Variants in SLAMF6 observed in about 807,000 individuals in gnomAD.
SLAMF6 encodes NK-T-B-antigen.
A neutral mutation model predicts 38.3 loss-of-function variants in SLAMF6; 21 were observed. The ratio of observed to expected loss-of-function variants is 0.55; its 90% CI spans 0.39 to 0.79. The LOEUF is 0.79. Among genes scored for constraint, SLAMF6 ranks in the 30% least tolerant of loss-of-function variants. The probability of loss-of-function intolerance (pLI) is 0.00; values close to 1 mark genes in which losing one functional copy is unlikely to be tolerated. For missense variants in SLAMF6, 341 were observed against 385.3 expected, an observed-to-expected ratio of 0.89 and a Z score of 0.96; for synonymous variants, 152 against 146.3, an observed-to-expected ratio of 1.04 and a Z score of -0.28.
chr1:160,497,264 G>A (rs189231806), intron 1 of SLAMF6, among the ~76,000 whole-genome samples: 85 of 152,286 alleles, frequency 5.6e-4, no homozygotes, highest in Non-Finnish European at 1.0e-3. Context: ...CGGTGAAATG[G>A]TCACAATGAT....
rs1174026133 is a variant in SLAMF6 at position 160,486,412 on chromosome 1, C to G, written c.*295G>C. The G allele has an allele frequency of 5.9e-6, 2 of 338,166 alleles. No individual in the cohort carries two copies. Among genetic ancestry groups the G allele is most frequent in the Non-Finnish European group, 1.1e-5 (2 of 180,360 alleles). 20.9% of individuals were successfully genotyped at this position (338,166 alleles called of 1,614,324 possible). The stretch of plus-strand genomic sequence containing the variant: ...ATAAACTCTCTGTCAACCATAATTC[C>G]ATTTGCTTAGTTATCAAAGAGAGAG... On this transcript the variant is annotated 3_prime_UTR_variant, in exon 8 of 8. Coordinates refer to ENST00000368057, the MANE Select transcript of SLAMF6 (RefSeq NM_001184714.2).
chr1:160,500,896 G>A (rs12046037), intron 1 of SLAMF6, among the ~76,000 whole-genome samples: 3,316 of 152,088 alleles, frequency 0.022, 85 homozygotes, highest in East Asian at 0.11. Flanking sequence ...TCCCTTGCCT[G>A]GAACGCTTGT....
chr1:160,518,689 C>T (rs187576052), intron 1 of SLAMF6, among the ~76,000 whole-genome samples: 3 of 151,734 alleles, frequency 2.0e-5, no homozygotes, highest in Non-Finnish European at 4.4e-5. Context: ...CCAAACACCG[C>T]ATGTTCTTTA....
chr1:160,522,951 A>C (rs2102077984), intron 1 of SLAMF6, among the ~76,000 whole-genome samples, 193 bp downstream of exon 1: 1 of 152,346 alleles, frequency 6.6e-6, no homozygotes. Context: ...GTTCACCGAC[A>C]ACCATCTCAG....
At chr1:160,492,333 C>T (rs1301675748) in intron 2 of SLAMF6, among the ~76,000 whole-genome samples, 1 of 152,054 alleles carries the variant, frequency 6.6e-6, no homozygotes, top group African/African-American at 2.4e-5. Context: ...TGAAATATTG[C>T]CAGAACAGAG....
chr1:160,492,270 A>G (rs903154978), intron 2 of SLAMF6, among the ~76,000 whole-genome samples: 5 of 152,206 alleles, frequency 3.3e-5, no homozygotes, highest in Non-Finnish European at 5.9e-5. Context: ...TGATTAGAAG[A>G]GACCGAGTAG....
At chr1:160,504,817 T>C (rs1654096642) in intron 1 of SLAMF6, among the ~76,000 whole-genome samples, 1 of 152,208 alleles carries the variant, frequency 6.6e-6, no homozygotes, top group South Asian at 2.1e-4. Flanking sequence ...TAAGAAAATG[T>C]CTGCTTATAC....
chr1:160,507,576 A>T (rs899547557), intron 1 of SLAMF6, among the ~76,000 whole-genome samples: 8 of 152,210 alleles, frequency 5.3e-5, no homozygotes, highest in Admixed American at 1.3e-4. Flanking sequence ...ATCCAAACAC[A>T]ACAAAATATA....
In SLAMF6 at chr1:160,491,365, T is replaced by C. The variant is rs1159512437; in HGVS notation, c.406A>G (p.Thr136Ala). 1.2e-6 allele frequency: 2 copies of C among 1,613,818 alleles called. No homozygotes were observed. Among genetic ancestry groups the C allele is most frequent in the Non-Finnish European group, 1.7e-6 (2 of 1,179,884 alleles). The change falls in exon 3 of 8, where the codon ACC (threonine) becomes GCC (alanine). Residue 136 changes from threonine to alanine, a missense_variant. By Grantham distance (58) the Thr-to-Ala change is moderately conservative. Coordinates refer to ENST00000368057, the MANE Select transcript of SLAMF6 (RefSeq NM_001184714.2). ...TTCTGAAATAGCTGACTGTGATTGGTAACTTGTATGTTCCTCAGTTGTCCT... is the reference window on the plus strand; with the variant it reads ...TTCTGAAATAGCTGACTGTGATTGGCAACTTGTATGTTCCTCAGTTGTCCT... ...ILRQLRNIQV[T>A]NHSQLFQNMT...
chr1:160,509,458 A>G (rs527276585), intron 1 of SLAMF6, among the ~76,000 whole-genome samples: 23 of 152,248 alleles, frequency 1.5e-4, no homozygotes, highest in African/African-American at 5.5e-4. Flanking sequence ...GAACAATGAG[A>G]ACACTTGGAC....
Position 160,489,187 on chromosome 1 carries a change from G to C in SLAMF6, c.797-17C>G, listed in dbSNP as rs755004553. The stretch of plus-strand genomic sequence containing the variant: ...CGGACTCTGCTGTTAACATAGGAAG[G>C]CACAGTCAATGGCACAAGGACTCTG... On this transcript the variant is annotated splice_polypyrimidine_tract_variant and intron_variant, in intron 5 of 7. Coordinates refer to ENST00000368057, the MANE Select transcript of SLAMF6 (RefSeq NM_001184714.2). 2 of 1,613,578 alleles carry C rather than the reference G, an allele frequency of 1.2e-6. No individual in the cohort carries two copies. Among genetic ancestry groups the C allele is most frequent in the African/African-American group, 1.3e-5 (1 of 75,008 alleles).
At chr1:160,506,857 G>T (rs1423676914) in intron 1 of SLAMF6, among the ~76,000 whole-genome samples, 1 of 152,106 alleles carries the variant, frequency 6.6e-6, no homozygotes, top group Non-Finnish European at 1.5e-5. Flanking sequence ...AGTTGAAGAG[G>T]TTAAATGTAA....
intron 1 of SLAMF6, among the ~76,000 whole-genome samples, chr1:160,508,680 G>T (rs1220661181): frequency 1.3e-5 from 2 of 152,250 alleles, no homozygotes; most frequent in African/African-American, 4.8e-5. Context: ...AAACTAAAGA[G>T]CTTCTGCACA....
chr1:160,494,589 T>A (rs1393312879), intron 2 of SLAMF6, among the ~76,000 whole-genome samples: 3 of 152,172 alleles, frequency 2.0e-5, no homozygotes, highest in African/African-American at 7.2e-5. Flanking sequence ...TTATCCAGTA[T>A]AACCTGGATA....
chr1:160,513,425 G>C (rs1377916200), intron 1 of SLAMF6, among the ~76,000 whole-genome samples: 1 of 152,176 alleles, frequency 6.6e-6, no homozygotes, highest in Non-Finnish European at 1.5e-5. Context: ...ATGAAACAAA[G>C]TTGGAAAACA....
At chr1:160,487,915 C>A (rs1653054645) in intron 6 of SLAMF6, among the ~76,000 whole-genome samples, 1 of 151,928 alleles carries the variant, frequency 6.6e-6, no homozygotes, top group African/African-American at 2.4e-5. Flanking sequence ...CATGGTGAAA[C>A]CCCGTCTCTA....
At chr1:160,497,211 A>C (rs1218449356) in intron 1 of SLAMF6, among the ~76,000 whole-genome samples, 1 of 152,234 alleles carries the variant, frequency 6.6e-6, no homozygotes, top group Non-Finnish European at 1.5e-5. Flanking sequence ...TGATGGCCAC[A>C]TTCTTGTGAA....
chr1:160,514,021 T>A (rs1231563899), intron 1 of SLAMF6, among the ~76,000 whole-genome samples: 1 of 152,170 alleles, frequency 6.6e-6, no homozygotes, highest in African/African-American at 2.4e-5. Context: ...ATAACAATAC[T>A]AACTTTAAAT....
chr1:160,519,451 C>T (rs1443243401), intron 1 of SLAMF6, among the ~76,000 whole-genome samples: 1 of 152,154 alleles, frequency 6.6e-6, no homozygotes. Context: ...CTGACAAATC[C>T]ATTCCTAGGT....
Sources: gnomAD v4.1 joint callset for allele counts (sites outside exome capture counted in the v4.1 genomes callset) on GRCh38, gnomAD v4.1.1 for gene constraint, MANE v1.5 for transcripts, NCBI Gene and HGNC (gene_info 2026-07-23, HGNC 2026-07-21) for gene names.